TXLNB: variants seen among roughly 807,000 people sequenced by gnomAD.
TXLNB encodes beta-taxilin.
A neutral mutation model predicts 57.4 loss-of-function variants in TXLNB; 37 were observed. The ratio of observed to expected loss-of-function variants is 0.64; its 90% CI spans 0.50 to 0.85. The LOEUF (loss-of-function observed/expected upper bound fraction) is 0.85, where lower values mean the gene tolerates loss of function less well. TXLNB is among the 40% of genes least tolerant of loss of function. The probability of loss-of-function intolerance (pLI) is 0.00; values close to 1 mark genes in which losing one functional copy is unlikely to be tolerated. For synonymous variants in TXLNB, 302 were observed against 309.6 expected (o/e 0.98, Z 0.26); for missense variants, 848 against 825.6 (o/e 1.03, Z -0.33).
At chr6:139,205,924 C>A in the TXLNB span, among the ~76,000 whole-genome samples, 1 of 152,262 alleles carries the variant, frequency 6.6e-6, no homozygotes, top group East Asian at 1.9e-4. Context: ...AGCTATGAGA[C>A]AAAAGCATCA....
the TXLNB span, among the ~76,000 whole-genome samples, chr6:139,165,380 A>G: frequency 3.9e-5 from 6 of 152,318 alleles, no homozygotes; most frequent in Admixed American, 3.3e-4. Context: ...TACATATGTT[A>G]CAATTGATGA....
At chr6:139,189,725 A>C in the TXLNB span, among the ~76,000 whole-genome samples, 91 of 152,190 alleles carry the variant, frequency 6.0e-4, no homozygotes, top group African/African-American at 1.5e-3. Context: ...TTGCGGGGAG[A>C]GAGGTCAGAG....
chr6:139,273,262 C>G (rs2114577450), intron 3 of TXLNB, among the ~76,000 whole-genome samples: 1 of 152,198 alleles, frequency 6.6e-6, no homozygotes, highest in Non-Finnish European at 1.5e-5. Flanking sequence ...AGTAGCACTG[C>G]CCAATTGCGA....
the TXLNB span, among the ~76,000 whole-genome samples, chr6:139,307,347 C>G: frequency 1.3e-5 from 2 of 152,082 alleles, no homozygotes; most frequent in East Asian, 3.9e-4. Flanking sequence ...ATGACACCAC[C>G]CCTGGCTAAG....
the TXLNB span, among the ~76,000 whole-genome samples, chr6:139,224,839 T>G: frequency 6.6e-6 from 1 of 151,996 alleles, no homozygotes. Flanking sequence ...TCCCCCAAGA[T>G]AGAAAAGTAA....
chr6:139,238,646 C>A (rs556097313), downstream of TXLNB, among the ~76,000 whole-genome samples: 51 of 152,242 alleles, frequency 3.3e-4, no homozygotes, highest in African/African-American at 1.1e-3. Context: ...AACTTCTGTT[C>A]CAACAGAGTG....
At chr6:139,207,017 G>A in the TXLNB span, among the ~76,000 whole-genome samples, 1 of 152,056 alleles carries the variant, frequency 6.6e-6, no homozygotes, top group Non-Finnish European at 1.5e-5. Context: ...GAGATGGATA[G>A]GAACAAAATA....
the TXLNB span, among the ~76,000 whole-genome samples, chr6:139,224,454 TAATA>T: frequency 3.4e-4 from 52 of 151,608 alleles, 1 homozygote; most frequent in South Asian, 7.9e-3. Flanking sequence ...TAATAATAAT[TAATA>T]AATAAATAAA....
At chr6:139,250,824 C>T (rs1430848345) in intron 7 of TXLNB, among the ~76,000 whole-genome samples, 1 of 152,134 alleles carries the variant, frequency 6.6e-6, no homozygotes. Flanking sequence ...ACAACCACCC[C>T]CAGGACTTCA....
the TXLNB span, among the ~76,000 whole-genome samples, chr6:139,210,210 AC>A: frequency 6.6e-6 from 1 of 152,104 alleles, no homozygotes; most frequent in African/African-American, 2.4e-5. Flanking sequence ...TTAAAAAAAA[AC>A]AGATGTTGGA....
chr6:139,232,207 C>T, the TXLNB span, among the ~76,000 whole-genome samples: 1 of 152,212 alleles, frequency 6.6e-6, no homozygotes, highest in East Asian at 1.9e-4. Flanking sequence ...GCACATCTTA[C>T]ATGGTGGCAG....
chr6:139,273,012 T>G (rs112005694), intron 3 of TXLNB, among the ~76,000 whole-genome samples: 2 of 151,968 alleles, frequency 1.3e-5, no homozygotes, highest in South Asian at 4.2e-4. Flanking sequence ...CCAGCCTGGG[T>G]GACAAGAGCA....
intron 7 of TXLNB, among the ~76,000 whole-genome samples, chr6:139,248,317 G>A (rs1722810703): frequency 6.6e-6 from 1 of 151,038 alleles, no homozygotes; most frequent in Non-Finnish European, 1.5e-5. Context: ...CCAACATGGT[G>A]AAACCCCGTC....
At chr6:139,175,821 C>G in the TXLNB span, among the ~76,000 whole-genome samples, 1 of 152,180 alleles carries the variant, frequency 6.6e-6, no homozygotes, top group Admixed American at 6.5e-5. Flanking sequence ...AGCATCCTGC[C>G]ACACCCAGCC....
rs765915434 is a variant in TXLNB, at chr6:139,242,725, G to A, written c.1856C>T (p.Thr619Ile). Residue 619 changes from threonine to isoleucine, a missense_variant, in exon 10 of 10, where the codon ACC becomes ATC. Thr to Ile is a moderately conservative substitution (Grantham distance 89). Transcript: ENST00000358430. Reference sequence around the variant, plus strand: ...CTCCATCTTCTGTAGGGAGGCCTCGGTGGGAGCCTGTGGGGCCTGACCGGA... The same window carrying A: ...CTCCATCTTCTGTAGGGAGGCCTCGATGGGAGCCTGTGGGGCCTGACCGGA... The part of the protein sequence containing the change: ...EASGQAPQAP[T>I]EASLQKMEAD... 1 of 1,613,388 alleles carries A rather than the reference G, an allele frequency of 6.2e-7. No homozygotes were observed. The highest frequency in any genetic ancestry group is 1.1e-5 in the South Asian group (1 of 91,072).
At chr6:139,188,423 T>C in the TXLNB span, among the ~76,000 whole-genome samples, 1 of 152,226 alleles carries the variant, frequency 6.6e-6, no homozygotes, top group African/African-American at 2.4e-5. Context: ...AAAAACCTAT[T>C]TCTTCTTTGG....
chr6:139,275,521 G>A (rs1228157578), intron 3 of TXLNB, among the ~76,000 whole-genome samples: 2 of 152,104 alleles, frequency 1.3e-5, no homozygotes, highest in Admixed American at 6.6e-5. Context: ...ATATATCTTC[G>A]TGAAGTAGTT....
chr6:139,211,129 G>A, the TXLNB span, among the ~76,000 whole-genome samples: 1 of 152,232 alleles, frequency 6.6e-6, no homozygotes, highest in South Asian at 2.1e-4. Flanking sequence ...TTTGAAGAGA[G>A]TAGTGGTTCT....
the TXLNB span, among the ~76,000 whole-genome samples, chr6:139,211,597 C>G: frequency 1.3e-5 from 2 of 152,220 alleles, no homozygotes; most frequent in Admixed American, 6.5e-5. Context: ...AGGAACGCAG[C>G]TCCTCACCAG....
Sources: allele counts gnomAD v4.1 joint callset (sites outside exome capture counted in the v4.1 genomes callset), GRCh38; gene constraint gnomAD v4.1.1; transcripts MANE v1.5; gene names NCBI Gene and HGNC (gene_info 2026-07-23, HGNC 2026-07-21).